The following HDHD5 variants were observed in gnomAD, a reference collection of about 807,000 sequenced individuals.
The protein encoded by HDHD5 is haloacid dehalogenase like hydrolase domain containing 5.
A neutral mutation model predicts 35.5 loss-of-function variants in HDHD5; 34 were observed. The ratio of observed to expected loss-of-function variants is 0.96; its 90% confidence interval spans 0.73 to 1.28. HDHD5 has a LOEUF of 1.28. Ranked by LOEUF, HDHD5 falls within the 50% of genes most tolerant of loss-of-function variation. HDHD5 has a pLI of 0.00. For synonymous variants in HDHD5, 248 were observed against 240.6 expected (o/e 1.03, Z -0.29); for missense variants, 589 against 560.2 (o/e 1.05, Z -0.52).
At chr22:17,143,461 G>A (rs1483226384) in intron 4 of HDHD5, 8 of 248,000 alleles carry the variant, frequency 3.2e-5, no homozygotes, top group Admixed American at 2.9e-4. Context: ...AGGTGAGGCC[G>A]TGGAGACGAA....
At chr22:17,163,220 A>G (rs375064521), upstream of HDHD5, among the ~76,000 whole-genome samples, 71 of 152,288 alleles carry the variant, frequency 4.7e-4, no homozygotes, top group African/African-American at 1.6e-3. Context: ...TGTCTCAGAG[A>G]GGGCTTCGGT....
intron 4 of HDHD5, 183 bp from the exon 5 acceptor site, chr22:17,143,314 G>T: frequency 1.8e-6 from 1 of 570,614 alleles, no homozygotes; most frequent in Non-Finnish European, 2.9e-6. Flanking sequence ...AAGGCGAAAA[G>T]ACAATGGCCA....
At chr22:17,156,996 T>C (rs2061800689) in intron 1 of HDHD5, among the ~76,000 whole-genome samples, 1 of 151,190 alleles carries the variant, frequency 6.6e-6, no homozygotes, top group African/African-American at 2.4e-5. Context: ...GCGAATCACT[T>C]GAACCTGGGA....
rs554888818 is a variant in HDHD5 at position 17,138,282 on chromosome 22, C to T, written c.1011G>A (p.Ala337=). Residue 337 remains alanine (A), a synonymous_variant, in exon 8 of 8, where the codon GCG becomes GCA. Coordinates refer to ENST00000336737, the MANE Select transcript of HDHD5 (RefSeq NM_033070.3). ...QYLQKATHDG[A]PELGAGGTRQ... ...GTGTGCCCCCGGCCCCTAGTTCTGG[C>T]GCCCCATCATGCGTTGCCTTCTGCA... 1.2e-4 allele frequency: 197 copies of T among 1,614,140 alleles called. No individual in the cohort carries two copies. Among genetic ancestry groups the T allele is most frequent in the Middle Eastern group, 3.3e-4 (2 of 6,060 alleles).
chr22:17,151,708 C>T (rs1197254198), intron 1 of HDHD5, among the ~76,000 whole-genome samples: 2 of 132,280 alleles, frequency 1.5e-5, no homozygotes, highest in South Asian at 2.5e-4. Flanking sequence ...TAAGCCTGGG[C>T]GACAAAGCTA....
In HDHD5 at chr22:17,138,665, C is replaced by T. The variant is rs113337380; in HGVS notation, c.820G>A (p.Glu274Lys). The T allele has an allele frequency of 7.1e-5, 115 of 1,614,210 alleles. No individual in the cohort carries two copies. In the South Asian group the frequency reaches 1.2e-3, roughly 17 times the overall value. ...ATGCTGGGTTTGCCCATCAGGCCCT[C>T]GTATCTCAGCTCCTTGCCCGTCACT... is the stretch of plus-strand genomic sequence containing the variant. ...QKVTGKELRY[E>K]GLMGKPSILT... Residue 274 changes from glutamate to lysine, a missense_variant, in exon 7 of 8, where the codon GAG becomes AAG. Coordinates refer to ENST00000336737, the MANE Select transcript of HDHD5 (RefSeq NM_033070.3).
Position 17,138,572 on chromosome 22 carries a change from T to G in HDHD5, c.913A>C (p.Ile305Leu), listed in dbSNP as rs1042739103. 6.2e-7 allele frequency: 1 copy of G among 1,613,690 alleles called. No homozygotes were observed. The highest frequency in any genetic ancestry group is 8.5e-7 in the Non-Finnish European group (1 of 1,179,866). Reference sequence around the variant, plus strand: ...TACCCCACAGCATAGAGCTTCCGGATGGGGGCGGCCCAGCCCCGCCTCTCC... The same window carrying G: ...TACCCCACAGCATAGAGCTTCCGGAGGGGGGCGGCCCAGCCCCGCCTCTCC... Reference protein sequence around the residue: ...QAERRGWAAPIRKLYAVGDNP... With the variant: ...QAERRGWAAPLRKLYAVGDNP... The change falls in exon 7 of 8, where the codon ATC becomes CTC. Residue 305 changes from isoleucine (I) to leucine (L), a missense_variant. Transcript: ENST00000336737.
chr22:17,156,951 G>T (rs1411557246), intron 1 of HDHD5, among the ~76,000 whole-genome samples: 1 of 151,456 alleles, frequency 6.6e-6, no homozygotes, highest in African/African-American at 2.4e-5. Flanking sequence ...GGTGGCAGGC[G>T]CCTGTAATCC....
At chr22:17,157,048 A>G (rs900439244) in intron 1 of HDHD5, among the ~76,000 whole-genome samples, 5 of 149,264 alleles carry the variant, frequency 3.3e-5, no homozygotes, top group African/African-American at 1.2e-4. Flanking sequence ...ACTGCACTCC[A>G]GCCCGGGCAA....
chr22:17,154,519 T>A (rs1391756595), intron 1 of HDHD5, among the ~76,000 whole-genome samples: 3 of 151,750 alleles, frequency 2.0e-5, no homozygotes, highest in Non-Finnish European at 4.4e-5. Context: ...AATAAATAAA[T>A]TTTTAAAAGG....
intron 1 of HDHD5, among the ~76,000 whole-genome samples, chr22:17,152,617 C>G (rs886508738): frequency 2.6e-5 from 4 of 152,278 alleles, no homozygotes; most frequent in African/African-American, 9.6e-5. Context: ...GACATCAGCA[C>G]TGGACAGGTC....
intron 1 of HDHD5, among the ~76,000 whole-genome samples, chr22:17,155,231 C>CAT (rs1555881187): frequency 7.5e-6 from 1 of 133,256 alleles, no homozygotes; most frequent in African/African-American, 2.8e-5. Flanking sequence ...ATTTGCTTTC[C>CAT]TTTTTTTTTT....
chr22:17,156,176 G>C (rs1411488223), intron 1 of HDHD5, among the ~76,000 whole-genome samples: 3 of 152,172 alleles, frequency 2.0e-5, no homozygotes, highest in Non-Finnish European at 4.4e-5. Flanking sequence ...ACAGTTCCAT[G>C]CATATGACTG....
chr22:17,164,222 G>GAAAA (rs60212114), upstream of HDHD5, among the ~76,000 whole-genome samples: 2 of 111,954 alleles, frequency 1.8e-5, no homozygotes, highest in South Asian at 3.0e-4. Flanking sequence ...CTCCATCTCA[G>GAAAA]AAAAAAAAAA....
intron 4 of HDHD5, among the ~76,000 whole-genome samples, chr22:17,143,810 A>G (rs1022424792): frequency 2.0e-5 from 3 of 152,256 alleles, no homozygotes; most frequent in African/African-American, 4.8e-5. Context: ...TTATCTGTTT[A>G]TAACTGCATG....
At chr22:17,158,205 CA>C (rs2061821643) in intron 1 of HDHD5, among the ~76,000 whole-genome samples, 1 of 152,024 alleles carries the variant, frequency 6.6e-6, no homozygotes, top group African/African-American at 2.4e-5. Flanking sequence ...CCTGTAATCC[CA>C]GCTACTCGGG....
At position 17,159,267 on chromosome 22, in the gene HDHD5, CGCACGT is replaced by C; in HGVS notation, c.-22_-17del. 3 of 1,236,930 alleles carry C rather than the reference CGCACGT, an allele frequency of 2.4e-6. No homozygotes were observed. The highest frequency in any genetic ancestry group is 3.0e-6 in the Non-Finnish European group (3 of 988,378). 76.6% of individuals were successfully genotyped at this position (1,236,930 alleles called of 1,614,324 possible). On this transcript the variant is annotated 5_prime_UTR_variant, in exon 1 of 8. Coordinates refer to ENST00000336737, the MANE Select transcript of HDHD5 (RefSeq NM_033070.3). ...ACGCAGCCATCCGGCCGTCGCCGTG[CGCACGT>C]GCACGGCGTGCGGCCCCCCCCCCCC... is the stretch of plus-strand genomic sequence containing the variant.
chr22:17,164,916 G>C (rs1177558635), intron 1 of HDHD5, among the ~76,000 whole-genome samples: 1 of 152,202 alleles, frequency 6.6e-6, no homozygotes, highest in Non-Finnish European at 1.5e-5. Flanking sequence ...GGAAGAACAG[G>C]GGTGGAGGAT....
intron 1 of HDHD5, among the ~76,000 whole-genome samples, chr22:17,157,993 C>G (rs1323295064): frequency 6.6e-6 from 1 of 152,112 alleles, no homozygotes; most frequent in Non-Finnish European, 1.5e-5. Context: ...TAGAATAGTG[C>G]CTGGCACAAA....
Sources: allele counts gnomAD v4.1 joint callset (sites outside exome capture counted in the v4.1 genomes callset), GRCh38; gene constraint gnomAD v4.1.1; transcripts MANE v1.5; gene names NCBI Gene and HGNC (gene_info 2026-07-23, HGNC 2026-07-21).